Variants in SORCS1 observed in about 807,000 individuals in gnomAD.
The protein encoded by SORCS1 is VPS10 domain-containing receptor SorCS1.
SORCS1 carries 60 observed loss-of-function variants against 146.1 expected under a neutral mutation model. The ratio of observed to expected loss-of-function variants is 0.41; its 90% CI spans 0.33 to 0.51. SORCS1 has a LOEUF of 0.51. Ranked by LOEUF, SORCS1 falls within the 20% of genes least tolerant of loss-of-function variation. SORCS1 has a pLI of 0.21. For synonymous variants in SORCS1, 637 were observed against 584.0 expected (o/e 1.09, Z -1.31); for missense variants, 1,352 against 1,487.6 (o/e 0.91, Z 1.50).
In SORCS1 at chr10:106,601,138, T is replaced by G. The variant is rs1362264030; in HGVS notation, c.3166-3688A>C. Among the ~76,000 whole-genome samples, 4 of 152,170 alleles carry G rather than the reference T, an allele frequency of 2.6e-5. 1 individual carries two copies. Among genetic ancestry groups the G allele is most frequent in the Non-Finnish European group, 5.9e-5 (4 of 68,016 alleles). ...GAATAAACTGCATTCTACTGGAAAGTATGGCAACAGCCTAAATGAGAAGAA... is the reference window on the plus strand; with the variant it reads ...GAATAAACTGCATTCTACTGGAAAGGATGGCAACAGCCTAAATGAGAAGAA... On this transcript the variant is annotated intron_variant, in intron 23 of 25. Coordinates refer to ENST00000263054, the MANE Select transcript of SORCS1 (RefSeq NM_052918.5).
intron 17 of SORCS1, among the ~76,000 whole-genome samples, chr10:106,663,934 G>A (rs1239359028): frequency 6.6e-6 from 1 of 152,200 alleles, no homozygotes; most frequent in African/African-American, 2.4e-5. Context: ...ACTTATGAGA[G>A]CAGGACATTT....
intron 1 of SORCS1, among the ~76,000 whole-genome samples, chr10:107,161,594 CCA>C (rs1969710039): frequency 1.3e-5 from 2 of 152,226 alleles, no homozygotes; most frequent in East Asian, 1.9e-4. Context: ...ATGAAAAAAT[CCA>C]CATTCAGCGG....
chr10:106,653,637 C>G (rs1050843291), intron 17 of SORCS1, among the ~76,000 whole-genome samples: 1 of 152,230 alleles, frequency 6.6e-6, no homozygotes, highest in African/African-American at 2.4e-5. Context: ...TTTTCCAATG[C>G]GTTTAAGTCT....
Position 106,577,176 on chromosome 10 carries a change from G to A in SORCS1, c.*244C>T. ...TGGATTTTGATTGTTTATATTTTAT[G>A]TTTTGTTTTGTTTTTGTTTTTGTTT... On this transcript the variant is annotated 3_prime_UTR_variant, in exon 26 of 26. Coordinates refer to ENST00000263054, the MANE Select transcript of SORCS1 (RefSeq NM_052918.5). 1 of 1,429,468 alleles carries A rather than the reference G, an allele frequency of 7.0e-7. No homozygotes were observed. Among genetic ancestry groups the A allele is most frequent in the Non-Finnish European group, 9.4e-7 (1 of 1,064,402 alleles). The allele number at this position is 1,429,468 out of a possible 1,614,324, so 88.5% of individuals were successfully genotyped here. A position where few individuals can be genotyped will look rare whatever the true frequency, so the allele number is the denominator to read the frequency against.
At chr10:106,714,719 A>T (rs1157119488) in intron 6 of SORCS1, among the ~76,000 whole-genome samples, 3 of 152,212 alleles carry the variant, frequency 2.0e-5, no homozygotes, top group Admixed American at 1.3e-4. Flanking sequence ...CTAATGTGAA[A>T]GAGTTGGCAA....
At position 106,652,460 on chromosome 10, in the gene SORCS1, C is replaced by T. The variant is rs139207729; in HGVS notation, c.2397G>A (p.Gly799=). The T allele has an allele frequency of 9.1e-4, 1,465 of 1,614,104 alleles. 10 individuals carry two copies. In the African/African-American group the frequency reaches 0.017, roughly 18 times the overall value. ...TTCCATCAGCCGTGACTATCCGCAGCCCCCGCGGGGCTTTCCCTGGGCACT... is the reference window on the plus strand; with the variant it reads ...TTCCATCAGCCGTGACTATCCGCAGTCCCCGCGGGGCTTTCCCTGGGCACT... ...PQKCPGKAPR[G]LRIVTADGKL... The change falls in exon 18 of 26, where the codon GGG becomes GGA. Residue 799 remains glycine, a synonymous_variant. Transcript: ENST00000263054.
the SORCS1 span, among the ~76,000 whole-genome samples, chr10:107,172,830 C>T: frequency 6.6e-6 from 1 of 152,188 alleles, no homozygotes; most frequent in East Asian, 1.9e-4. Flanking sequence ...GGCAAAACAT[C>T]ATCAACTGAA....
intron 2 of SORCS1, among the ~76,000 whole-genome samples, chr10:106,907,827 T>C (rs1023251219): frequency 2.6e-5 from 4 of 151,396 alleles, no homozygotes; most frequent in Admixed American, 6.6e-5. Flanking sequence ...CTTGGGAGGC[T>C]GAGGCAGGAG....
At chr10:107,034,080 A>G (rs1476951242) in intron 1 of SORCS1, among the ~76,000 whole-genome samples, 3 of 152,376 alleles carry the variant, frequency 2.0e-5, no homozygotes, top group East Asian at 3.9e-4. Flanking sequence ...GAGGCTTCCA[A>G]TAGACAGCTT....
At chr10:106,731,209 C>T (rs1215381576) in intron 5 of SORCS1, among the ~76,000 whole-genome samples, 1 of 141,726 alleles carries the variant, frequency 7.1e-6, no homozygotes, top group Non-Finnish European at 1.5e-5. Context: ...GCTCCAGAGG[C>T]ATGAACCCGG....
intron 24 of SORCS1, among the ~76,000 whole-genome samples, chr10:106,596,602 T>A (rs1038121636): frequency 6.6e-6 from 1 of 152,170 alleles, no homozygotes; most frequent in Non-Finnish European, 1.5e-5. Context: ...TGTAAGATCA[T>A]GACCAATTCC....
intron 2 of SORCS1, among the ~76,000 whole-genome samples, chr10:106,879,995 A>G (rs1320533921): frequency 1.3e-5 from 2 of 152,210 alleles, no homozygotes. Context: ...TGCTAAATTT[A>G]TGGTAATTTG....
intron 1 of SORCS1, among the ~76,000 whole-genome samples, chr10:107,074,402 T>C (rs2134199760): frequency 6.6e-6 from 1 of 152,322 alleles, no homozygotes; most frequent in East Asian, 1.9e-4. Flanking sequence ...TGAGTAATAC[T>C]CCATTTTCTG....
chr10:106,796,920 A>G (rs1017110559), intron 3 of SORCS1, among the ~76,000 whole-genome samples: 3 of 152,202 alleles, frequency 2.0e-5, no homozygotes, highest in African/African-American at 7.2e-5. Context: ...CCATCCTGCC[A>G]ACATGGTGAA....
chr10:106,897,746 G>A (rs74152266), intron 2 of SORCS1, among the ~76,000 whole-genome samples: 3,551 of 152,146 alleles, frequency 0.023, 128 homozygotes, highest in African/African-American at 0.08. Flanking sequence ...GAACTAAAGG[G>A]GCCAAAATCC....
At chr10:106,682,068 C>A (rs1028020355) in intron 10 of SORCS1, among the ~76,000 whole-genome samples, 1 of 152,160 alleles carries the variant, frequency 6.6e-6, no homozygotes, top group South Asian at 2.1e-4. Flanking sequence ...GTGGAGGTTG[C>A]AGTTAGCCAA....
intron 24 of SORCS1, among the ~76,000 whole-genome samples, chr10:106,593,354 T>G (rs1845724738): frequency 6.6e-6 from 1 of 152,162 alleles, no homozygotes; most frequent in Non-Finnish European, 1.5e-5. Context: ...ATCCCTCCCA[T>G]ATTTTACTTC....
chr10:107,128,730 G>A (rs2134611067), intron 1 of SORCS1, among the ~76,000 whole-genome samples: 1 of 152,202 alleles, frequency 6.6e-6, no homozygotes, highest in South Asian at 2.1e-4. Flanking sequence ...CGTGGAGATG[G>A]AGCACTTCTT....
rs766818370 is a variant in SORCS1, at chr10:106,970,336, C to CTTTTTTTTTTTTTTTTTTTTTTTT, written c.559-13757_559-13756insAAAAAAAAAAAAAAAAAAAAAAAA. 1.1e-3 allele frequency among the ~76,000 whole-genome samples: 101 copies of CTTTTTTTTTTTTTTTTTTTTTTTT among 89,418 alleles called. 15 individuals are homozygous for CTTTTTTTTTTTTTTTTTTTTTTTT. Among genetic ancestry groups the CTTTTTTTTTTTTTTTTTTTTTTTT allele is most frequent in the African/African-American group, 5.1e-3 (94 of 18,448 alleles). 58.7% of individuals were successfully genotyped at this position (89,418 alleles called of 152,430 possible). A position where few individuals can be genotyped will look rare whatever the true frequency, so the allele number is the denominator to read the frequency against. ...TTCCCTCCAAATGTAACCAACATCT[C>CTTTTTTTTTTTTTTTTTTTTTTTT]TTTTTTTTTTTTTTTTTTTGAGATG... On this transcript the variant is annotated intron_variant, in intron 1 of 25. Coordinates refer to ENST00000263054, the MANE Select transcript of SORCS1 (RefSeq NM_052918.5).
Sources: allele counts gnomAD v4.1 joint callset (sites outside exome capture counted in the v4.1 genomes callset), GRCh38; gene constraint gnomAD v4.1.1; transcripts MANE v1.5; gene names NCBI Gene and HGNC (gene_info 2026-07-23, HGNC 2026-07-21).